The following MIPOL1 variants were observed in gnomAD, a reference collection of about 807,000 sequenced individuals.
MIPOL1 encodes mirror-image polydactyly 1.
In MIPOL1, 57 loss-of-function variants were observed where a neutral mutation model predicts 60.9. That is an observed-to-expected ratio of 0.94 (90% CI 0.76 to 1.17). MIPOL1 has a LOEUF of 1.17. MIPOL1 is among the 50% of genes most tolerant of loss of function. The probability of loss-of-function intolerance (pLI) is 0.00; values close to 1 mark genes in which losing one functional copy is unlikely to be tolerated. For synonymous variants in MIPOL1, 179 were observed against 168.8 expected, an observed-to-expected ratio of 1.06 and a Z score of -0.47; for missense variants, 551 against 511.6, an observed-to-expected ratio of 1.08 and a Z score of -0.74.
chr14:37,268,481 A>G (rs918592113), intron 4 of MIPOL1, among the ~76,000 whole-genome samples, 177 bp from the exon 5 acceptor site: 2 of 152,150 alleles, frequency 1.3e-5, no homozygotes, highest in Non-Finnish European at 2.9e-5. Flanking sequence ...AGTGACTCCA[A>G]AATTTACCTG....
At chr14:37,346,336 T>TA (rs958374694) in intron 9 of MIPOL1, among the ~76,000 whole-genome samples, 2 of 151,924 alleles carry the variant, frequency 1.3e-5, no homozygotes, top group Admixed American at 6.6e-5. Flanking sequence ...CTCAAAAAAA[T>TA]AAAAAAATAA....
intron 11 of MIPOL1, among the ~76,000 whole-genome samples, chr14:37,466,478 C>A (rs967662655): frequency 2.0e-5 from 3 of 152,102 alleles, no homozygotes; most frequent in Admixed American, 2.0e-4. Context: ...TGATAACTAG[C>A]AAAACACCTT....
At chr14:37,331,157 C>G (rs2089648658) in intron 9 of MIPOL1, among the ~76,000 whole-genome samples, 1 of 151,714 alleles carries the variant, frequency 6.6e-6, no homozygotes, top group Non-Finnish European at 1.5e-5. Context: ...AATTTGAAGT[C>G]AGGTCATATA....
At chr14:37,381,567 C>A (rs191222377) in intron 10 of MIPOL1, among the ~76,000 whole-genome samples, 1 of 151,450 alleles carries the variant, frequency 6.6e-6, no homozygotes, top group South Asian at 2.1e-4. Flanking sequence ...CTGGCCCAAC[C>A]CAAAGTCTAC....
intron 11 of MIPOL1, among the ~76,000 whole-genome samples, chr14:37,481,740 T>A (rs1364067454): frequency 6.6e-6 from 1 of 152,056 alleles, no homozygotes; most frequent in Non-Finnish European, 1.5e-5. Flanking sequence ...AAAATATACC[T>A]ATTGACCAAT....
At chr14:37,501,110 G>A (rs192938583) in intron 12 of MIPOL1, among the ~76,000 whole-genome samples, 23 of 152,184 alleles carry the variant, frequency 1.5e-4, no homozygotes, top group Admixed American at 5.2e-4. Context: ...TTTTAAATTA[G>A]ACCATTTTAA....
chr14:37,366,466 C>A (rs1161078531), intron 9 of MIPOL1, among the ~76,000 whole-genome samples: 2 of 151,830 alleles, frequency 1.3e-5, no homozygotes, highest in Non-Finnish European at 2.9e-5. Context: ...TTCCAGAATT[C>A]CTCCTGTTAT....
chr14:37,551,944 G>A (rs967665655), downstream of MIPOL1: 3 of 150,964 alleles, frequency 2.0e-5, no homozygotes, highest in African/African-American at 4.9e-5. Flanking sequence ...CTACCATAAA[G>A]CACCTCTACT....
At chr14:37,378,588 T>C (rs2092839145) in intron 10 of MIPOL1, among the ~76,000 whole-genome samples, 1 of 149,802 alleles carries the variant, frequency 6.7e-6, no homozygotes, top group South Asian at 2.1e-4. Flanking sequence ...ATTCCCATTG[T>C]GGTGATATTA....
intron 7 of MIPOL1, among the ~76,000 whole-genome samples, chr14:37,300,034 G>A (rs1033358871): frequency 1.8e-4 from 27 of 151,956 alleles, no homozygotes; most frequent in African/African-American, 6.3e-4. Context: ...CTGTAGAAGT[G>A]AGTGCCATTT....
chr14:37,328,520 AT>A (rs982747199), intron 9 of MIPOL1, among the ~76,000 whole-genome samples: 4 of 152,204 alleles, frequency 2.6e-5, no homozygotes, highest in African/African-American at 9.7e-5. Context: ...AAAAAATGAA[AT>A]TTAAAAAAAT....
Position 37,198,992 on chromosome 14 carries a change from A to C in MIPOL1, c.-199+888A>C, listed in dbSNP as rs142258135. Among the ~76,000 whole-genome samples, 1,088 of 152,324 alleles carry C rather than the reference A, an allele frequency of 7.1e-3. 55 individuals carry two copies. Among genetic ancestry groups the C allele is most frequent in the Admixed American group, 0.064 (977 of 15,296 alleles). ...AATTAATTAAAACAGTTTAATTTTT[A>C]ATGTGAGGAATAGGAATCAAGACAT... On this transcript the variant is annotated intron_variant, in intron 1 of 12. Transcript: ENST00000684589.
intron 11 of MIPOL1, among the ~76,000 whole-genome samples, chr14:37,477,369 TATTG>T (rs1449844589): frequency 1.3e-5 from 2 of 152,130 alleles, no homozygotes; most frequent in African/African-American, 4.8e-5. Context: ...TTTGGAATGT[TATTG>T]ATTATTTTAT....
chr14:37,549,854 G>A lies in MIPOL1; in HGVS notation c.*2883G>A, dbSNP rs2095557564. On this transcript the variant is annotated 3_prime_UTR_variant, in exon 13 of 13. Transcript: ENST00000684589. Reference sequence around the variant, plus strand: ...ATTCATTGCTAATAAAACATAACATGAGTCTCTTTGTACTGTTTTTAATTT... The same window carrying A: ...ATTCATTGCTAATAAAACATAACATAAGTCTCTTTGTACTGTTTTTAATTT... The A allele has an allele frequency of 6.6e-6, 1 of 151,812 alleles. No homozygotes were observed. The highest frequency in any genetic ancestry group is 1.5e-5 in the Non-Finnish European group (1 of 67,812). The allele number at this position is 151,812 out of a possible 1,614,324, so 9.4% of individuals were successfully genotyped here. A position where few individuals can be genotyped will look rare whatever the true frequency, so the allele number is the denominator to read the frequency against.
At chr14:37,233,710 G>A (rs1294059888) in intron 1 of MIPOL1, among the ~76,000 whole-genome samples, 1 of 152,190 alleles carries the variant, frequency 6.6e-6, no homozygotes, top group Non-Finnish European at 1.5e-5. Flanking sequence ...TTTGATGAGA[G>A]GAATGAGCAG....
At chr14:37,267,206 G>A (rs868849933) in intron 4 of MIPOL1, 37 bp downstream of exon 4, 1 of 1,521,920 alleles carries the variant, frequency 6.6e-7, no homozygotes, top group Middle Eastern at 1.7e-4. Context: ...AAGGAATTGG[G>A]GCCAGGCGTG....
At chr14:37,302,970 G>A (rs562515222) in intron 7 of MIPOL1, among the ~76,000 whole-genome samples, 10 of 151,540 alleles carry the variant, frequency 6.6e-5, no homozygotes, top group African/African-American at 1.7e-4. Flanking sequence ...GGAGATTTGC[G>A]GGTACTATAA....
At chr14:37,362,630 A>G (rs930709671) in intron 9 of MIPOL1, among the ~76,000 whole-genome samples, 1 of 151,950 alleles carries the variant, frequency 6.6e-6, no homozygotes, top group Non-Finnish European at 1.5e-5. Flanking sequence ...TGCTCTCTGT[A>G]TTTCCTGAAT....
At chr14:37,499,520 G>C (rs75601472) in intron 11 of MIPOL1, among the ~76,000 whole-genome samples, 2 of 152,026 alleles carry the variant, frequency 1.3e-5, no homozygotes, top group African/African-American at 4.8e-5. Flanking sequence ...ATAGACCCTC[G>C]ATCTCCTAAA....
Sources: gnomAD v4.1 joint callset for allele counts (sites outside exome capture counted in the v4.1 genomes callset) on GRCh38, gnomAD v4.1.1 for gene constraint, MANE v1.5 for transcripts, NCBI Gene and HGNC (gene_info 2026-07-23, HGNC 2026-07-21) for gene names.